Variants in XPO5 observed in about 807,000 individuals in gnomAD.
XPO5 encodes exportin 5.
A neutral mutation model predicts 160.6 loss-of-function variants in XPO5; 46 were observed. The observed-to-expected ratio is 0.29, with a 90% CI of 0.23 to 0.37. XPO5 has a LOEUF of 0.37. Among genes scored for constraint, XPO5 ranks in the 10% least tolerant of loss-of-function variants. The pLI is 1.00. For missense variants in XPO5, 1,090 were observed against 1,463.9 expected, an observed-to-expected ratio of 0.74 and a Z score of 4.17; for synonymous variants, 537 against 519.3, an observed-to-expected ratio of 1.03 and a Z score of -0.46.
rs1037816077 is a variant in XPO5 at position 43,553,536 on chromosome 6, C to CAT, written c.1442-34_1442-33insAT. ...ACACACACACACACATACACACACA[C>CAT]ACACACACACACAATTATCAGCATT... On this transcript the variant is annotated intron_variant, in intron 13 of 31. Transcript: ENST00000265351. 2.6e-6 allele frequency: 4 copies of CAT among 1,534,630 alleles called. No individual in the cohort carries two copies. The African/African-American group carries it at 5.5e-5, about 21-fold the overall frequency.
intron 27 of XPO5, 47 bp from the exon 28 acceptor site, chr6:43,525,968 G>A (rs767244297): frequency 9.4e-6 from 15 of 1,597,720 alleles, no homozygotes; most frequent in Non-Finnish European, 1.0e-5. Flanking sequence ...TCAGAACAGA[G>A]AAGAATATCT....
intron 27 of XPO5, chr6:43,526,143 C>A: frequency 3.7e-6 from 2 of 533,984 alleles, no homozygotes; most frequent in East Asian, 3.1e-5. Flanking sequence ...AGCTTCTAGG[C>A]AGAAACACAA....
At chr6:43,524,810 C>T (rs1243724820) in intron 30 of XPO5, 21 bp downstream of exon 30, 3 of 1,612,284 alleles carry the variant, frequency 1.9e-6, no homozygotes, top group East Asian at 2.2e-5. Flanking sequence ...GCCATCCTTC[C>T]CCCATGCCTT....
At chr6:43,547,295 G>A in intron 19 of XPO5, 2 of 432,372 alleles carry the variant, frequency 4.6e-6, no homozygotes, top group Non-Finnish European at 4.3e-6. Flanking sequence ...ATGCCAGAGA[G>A]CAATGGCAGG....
At chr6:43,533,867 A>T in intron 21 of XPO5, 40 bp downstream of exon 21, 1 of 1,477,074 alleles carries the variant, frequency 6.8e-7, no homozygotes, top group Non-Finnish European at 9.3e-7. Flanking sequence ...TCCATTAGGG[A>T]TAAGATAAAC....
At chr6:43,554,457 G>T (rs1376407076) in intron 13 of XPO5, among the ~76,000 whole-genome samples, 1 of 139,208 alleles carries the variant, frequency 7.2e-6, no homozygotes, top group Non-Finnish European at 1.5e-5. Flanking sequence ...ATGGAGTCCC[G>T]CTCTTTGCCC....
intron 17 of XPO5, 75 bp downstream of exon 17, chr6:43,549,414 G>A: frequency 7.1e-7 from 1 of 1,405,356 alleles, no homozygotes; most frequent in East Asian, 2.4e-5. Context: ...TTCTTTATGT[G>A]AGGTACACTG....
At chr6:43,564,425 A>C (rs941610055) in intron 8 of XPO5, among the ~76,000 whole-genome samples, 5 of 151,276 alleles carry the variant, frequency 3.3e-5, no homozygotes, top group Non-Finnish European at 2.9e-5. Context: ...GCTTCCTGGG[A>C]GGGTGAGGCA....
chr6:43,573,165 A>G (rs769339818), intron 2 of XPO5, among the ~76,000 whole-genome samples: 3 of 152,202 alleles, frequency 2.0e-5, no homozygotes, highest in Non-Finnish European at 4.4e-5. Flanking sequence ...TGACCTATAC[A>G]TTGCATTACT....
rs762140958 is a variant in XPO5 at position 43,533,980 on chromosome 6, T to C, written c.2370A>G (p.Glu790=). 17 of 1,604,490 alleles carry C rather than the reference T, an allele frequency of 1.1e-5. No homozygotes were observed. The highest frequency in any genetic ancestry group is 1.4e-5 in the Non-Finnish European group (17 of 1,174,080). Residue 790 remains glutamate, a synonymous_variant, in exon 21 of 32, where the codon GAA becomes GAG. Transcript: ENST00000265351. ...AAGGCTCTGCCATTTTGGCTAGCAT[T>C]TCTGGTGCATATAATGTATTGTGGG... ...IRTHNTLYAP[E]MLAKMAEPFT...
intron 21 of XPO5, 100 bp downstream of exon 21, chr6:43,533,807 C>A: frequency 2.4e-6 from 2 of 836,404 alleles, no homozygotes; most frequent in Non-Finnish European, 1.8e-6. Context: ...TGCACTCTAG[C>A]CTGGGTGACA....
At chr6:43,550,432 G>A (rs1795172904) in intron 15 of XPO5, among the ~76,000 whole-genome samples, 1 of 152,148 alleles carries the variant, frequency 6.6e-6, no homozygotes, top group Non-Finnish European at 1.5e-5. Context: ...TACTGGTCTT[G>A]TGACACAACA....
intron 23 of XPO5, among the ~76,000 whole-genome samples, chr6:43,530,269 T>C (rs1445899143): frequency 6.6e-6 from 1 of 150,398 alleles, no homozygotes; most frequent in Non-Finnish European, 1.5e-5. Context: ...AAAATAGGAA[T>C]AAAAATCAGC....
intron 1 of XPO5, among the ~76,000 whole-genome samples, chr6:43,575,003 C>T (rs1035908316): frequency 2.0e-5 from 3 of 152,172 alleles, no homozygotes; most frequent in Non-Finnish European, 4.4e-5. Flanking sequence ...ACAGCCCACA[C>T]ACGTTGTTTT....
chr6:43,568,868 C>T (rs1582246385), intron 5 of XPO5, 131 bp from the exon 6 acceptor site: 1 of 735,602 alleles, frequency 1.4e-6, no homozygotes, highest in South Asian at 2.6e-5. Context: ...TGGAAAATAA[C>T]ACAACTTTAC....
chr6:43,553,776 A>G (rs775223654), intron 13 of XPO5: 24 of 373,932 alleles, frequency 6.4e-5, no homozygotes, highest in African/African-American at 2.5e-4. Flanking sequence ...TTGTAGTAAA[A>G]CCATTTTGAG....
At chr6:43,558,790 G>C (rs1262553348) in intron 11 of XPO5, 199 bp from the exon 12 acceptor site, 6 of 477,170 alleles carry the variant, frequency 1.3e-5, no homozygotes, top group Non-Finnish European at 3.7e-6. Flanking sequence ...TGGTAGAAAA[G>C]AGAATACTTT....
intron 20 of XPO5, chr6:43,539,512 G>GGA (rs1794564372): frequency 6.4e-7 from 1 of 1,555,002 alleles, no homozygotes; most frequent in African/African-American, 1.4e-5. Flanking sequence ...GGCCCAGCTT[G>GGA]GTGACGGGCA....
chr6:43,568,124 T>C (rs773976275), intron 6 of XPO5, among the ~76,000 whole-genome samples: 2 of 151,504 alleles, frequency 1.3e-5, no homozygotes, highest in Non-Finnish European at 2.9e-5. Context: ...CTGGCTAACA[T>C]GGTGAAACCC....
Sources: allele counts gnomAD v4.1 joint callset (sites outside exome capture counted in the v4.1 genomes callset), GRCh38; gene constraint gnomAD v4.1.1; transcripts MANE v1.5; gene names NCBI Gene and HGNC (gene_info 2026-07-23, HGNC 2026-07-21).